Variants in MACROD2 observed in about 807,000 individuals in gnomAD.
The protein encoded by MACROD2 is ADP-ribose glycohydrolase MACROD2.
MACROD2 carries 36 observed loss-of-function variants against 70.4 expected under a neutral mutation model. The observed-to-expected ratio is 0.51, with a 90% CI of 0.39 to 0.68. The LOEUF (loss-of-function observed/expected upper bound fraction) is 0.68. Ranked by LOEUF, MACROD2 falls within the 30% of genes least tolerant of loss-of-function variation. The pLI, the probability that MACROD2 is intolerant of heterozygous loss-of-function variation, is 0.00. For synonymous variants in MACROD2, 172 were observed against 178.8 expected, an observed-to-expected ratio of 0.96 and a Z score of 0.30; for missense variants, 496 against 538.4, an observed-to-expected ratio of 0.92 and a Z score of 0.78.
intron 4 of MACROD2, among the ~76,000 whole-genome samples, chr20:14,562,292 T>G (rs914868392): frequency 6.6e-6 from 1 of 151,878 alleles, no homozygotes; most frequent in Non-Finnish European, 1.5e-5. Context: ...AAAATTTCAT[T>G]TTGTCTAAAT....
chr20:14,914,838 G>T (rs2074071461), intron 5 of MACROD2, among the ~76,000 whole-genome samples: 1 of 152,106 alleles, frequency 6.6e-6, no homozygotes. Flanking sequence ...CATATTTCAT[G>T]TTGTTTTGGC....
At chr20:14,856,332 A>G (rs548431942) in intron 5 of MACROD2, among the ~76,000 whole-genome samples, 1 of 152,286 alleles carries the variant, frequency 6.6e-6, no homozygotes, top group South Asian at 2.1e-4. Context: ...AGATATACCT[A>G]TATTACTTGA....
At position 13,995,592 on chromosome 20, in the gene MACROD2, G is replaced by T; in HGVS notation, c.-172G>T. ...GGAGCCGGAGCCGAGCGCGGGCTGA[G>T]GGAGGAGGGCGGCGACTGGAGAGCG... On this transcript the variant is annotated 5_prime_UTR_variant, in exon 1 of 18. In the 5' UTR this introduces an upstream ATG that the reference lacks. Transcript: ENST00000684519. The surrounding 1 kb of genome is among the most constrained non-coding windows in gnomAD (Gnocchi z 4.3). The T allele has an allele frequency of 1.4e-6, 1 of 702,806 alleles. No homozygotes were observed. The highest frequency in any genetic ancestry group is 1.6e-5 in the South Asian group (1 of 61,112). 43.5% of individuals were successfully genotyped at this position (702,806 alleles called of 1,614,324 possible).
Position 15,529,131 on chromosome 20 carries a change from A to G in MACROD2, c.645+29284A>G, listed in dbSNP as rs185398983. Among the ~76,000 whole-genome samples, 458 of 152,046 alleles carry G rather than the reference A, an allele frequency of 3.0e-3. 13 individuals are homozygous for G. Among genetic ancestry groups the G allele is most frequent in the Admixed American group, 0.027 (410 of 15,262 alleles). ...CAGATTCAGGCTCCTCCACCTTGCT[A>G]CTCTCCCATTCTTGATCATTGTTCT... On this transcript the variant is annotated intron_variant, in intron 8 of 17. Transcript: ENST00000684519.
chr20:15,877,982 G>A (rs1269912202), intron 9 of MACROD2, among the ~76,000 whole-genome samples: 1 of 152,022 alleles, frequency 6.6e-6, no homozygotes. Flanking sequence ...GGAGTGGAGA[G>A]GATGCCGTAA....
chr20:14,220,201 C>G lies in MACROD2; in HGVS notation c.271+134473C>G, dbSNP rs542783858. On this transcript the variant is annotated intron_variant, in intron 3 of 17. Transcript: ENST00000684519. ...TCAGACTGTCCTTGGGCGGGTCTTGCTGCGGCTGCTGTTGGGGGGTGGAGG... is the reference window on the plus strand; with the variant it reads ...TCAGACTGTCCTTGGGCGGGTCTTGGTGCGGCTGCTGTTGGGGGGTGGAGG... 2.9e-3 allele frequency among the ~76,000 whole-genome samples: 438 copies of G among 152,044 alleles called. 2 individuals carry two copies. Among genetic ancestry groups the G allele is most frequent in the Non-Finnish European group, 4.8e-3 (326 of 67,976 alleles).
intron 3 of MACROD2, among the ~76,000 whole-genome samples, chr20:14,414,056 C>G (rs1316959139): frequency 1.3e-5 from 2 of 152,158 alleles, no homozygotes; most frequent in African/African-American, 4.8e-5. Flanking sequence ...TAAGGGATGT[C>G]ATCTGGTGTC....
At chr20:15,250,974 A>G (rs139573707) in intron 6 of MACROD2, among the ~76,000 whole-genome samples, 40 of 152,334 alleles carry the variant, frequency 2.6e-4, no homozygotes, top group African/African-American at 9.4e-4. Context: ...TCATGTTTGC[A>G]TCAAGACCTG....
intron 3 of MACROD2, among the ~76,000 whole-genome samples, chr20:14,351,554 G>A (rs2083123385): frequency 6.6e-6 from 1 of 151,880 alleles, no homozygotes; most frequent in Non-Finnish European, 1.5e-5. Flanking sequence ...TTCATTGTTG[G>A]CATATAGAAA....
chr20:15,283,244 G>A (rs1250366764), intron 6 of MACROD2, among the ~76,000 whole-genome samples: 3 of 152,144 alleles, frequency 2.0e-5, no homozygotes, highest in African/African-American at 7.2e-5. Context: ...AATTAATCTT[G>A]AACCTGAAAT....
At chr20:15,502,983 CT>C (rs2047382789) in intron 8 of MACROD2, among the ~76,000 whole-genome samples, 1 of 152,160 alleles carries the variant, frequency 6.6e-6, no homozygotes, top group Non-Finnish European at 1.5e-5. Flanking sequence ...ATGTATATAA[CT>C]TTCACTCACA....
chr20:15,554,486 A>G (rs1032664567), intron 8 of MACROD2, among the ~76,000 whole-genome samples: 21 of 151,950 alleles, frequency 1.4e-4, no homozygotes, highest in South Asian at 4.1e-4. Flanking sequence ...TAACTTTTCC[A>G]TCAAATAAGT....
intron 6 of MACROD2, among the ~76,000 whole-genome samples, chr20:15,285,943 T>C (rs1443808411): frequency 1.3e-5 from 2 of 152,112 alleles, no homozygotes; most frequent in Non-Finnish European, 2.9e-5. Context: ...AATCAAAAAG[T>C]ATCATAAATT....
chr20:14,784,668 T>TAG (rs1491306216), intron 5 of MACROD2, among the ~76,000 whole-genome samples: 1 of 94,778 alleles, frequency 1.1e-5, no homozygotes, highest in African/African-American at 3.5e-5. Context: ...GTGTTTTAAG[T>TAG]GGGGGGGGGG....
At chr20:14,436,862 A>G (rs1420577664) in intron 3 of MACROD2, among the ~76,000 whole-genome samples, 1 of 152,242 alleles carries the variant, frequency 6.6e-6, no homozygotes, top group East Asian at 1.9e-4. Flanking sequence ...TGTATTAAGC[A>G]TGCACTTACT....
chr20:14,910,671 A>G (rs888078632), intron 5 of MACROD2, among the ~76,000 whole-genome samples: 1 of 152,150 alleles, frequency 6.6e-6, no homozygotes, highest in African/African-American at 2.4e-5. Context: ...TATGGGTCAG[A>G]GTTTGGTTAC....
intron 6 of MACROD2, among the ~76,000 whole-genome samples, chr20:15,405,251 A>G (rs1445845258): frequency 6.6e-6 from 1 of 151,744 alleles, no homozygotes; most frequent in African/African-American, 2.4e-5. Context: ...AAAAAAAAAA[A>G]CCACACTGAA....
At chr20:15,756,703 G>A (rs2051353166) in intron 8 of MACROD2, among the ~76,000 whole-genome samples, 1 of 152,114 alleles carries the variant, frequency 6.6e-6, no homozygotes, top group African/African-American at 2.4e-5. Flanking sequence ...TCATCTGAAG[G>A]GGGAAGGAAA....
chr20:15,667,718 T>C (rs1480331630), intron 8 of MACROD2, among the ~76,000 whole-genome samples: 1 of 152,224 alleles, frequency 6.6e-6, no homozygotes, highest in African/African-American at 2.4e-5. Flanking sequence ...TACGGCTCTT[T>C]ACTGTTGTTA....
Sources: allele counts gnomAD v4.1 joint callset (sites outside exome capture counted in the v4.1 genomes callset), GRCh38; gene constraint gnomAD v4.1.1; non-coding constraint Gnocchi (gnomAD v3.1); transcripts MANE v1.5; gene names NCBI Gene and HGNC (gene_info 2026-07-23, HGNC 2026-07-21).